The following SRGAP3 variants were observed in gnomAD, a reference collection of about 807,000 sequenced individuals.
The protein encoded by SRGAP3 is SLIT-ROBO Rho GTPase-activating protein 3.
In SRGAP3, 39 loss-of-function variants were observed where a neutral mutation model predicts 121.1. That is an observed-to-expected ratio of 0.32 (90% CI 0.25 to 0.42). SRGAP3 has a LOEUF of 0.42. Ranked by LOEUF, SRGAP3 falls within the 10% of genes least tolerant of loss-of-function variation. The pLI, the probability that SRGAP3 is intolerant of heterozygous loss-of-function variation, is 1.00. For synonymous variants in SRGAP3, 601 were observed against 570.0 expected, an observed-to-expected ratio of 1.05 and a Z score of -0.77; for missense variants, 1,213 against 1,470.6, an observed-to-expected ratio of 0.82 and a Z score of 2.86.
At chr3:9,253,612 C>T (rs775196521), upstream of SRGAP3, among the ~76,000 whole-genome samples, 2 of 152,186 alleles carry the variant, frequency 1.3e-5, no homozygotes, top group Admixed American at 1.3e-4. Flanking sequence ...ACATTCTCCA[C>T]GTTGCTACCA....
At chr3:9,131,395 A>G (rs1455021636) in intron 1 of SRGAP3, among the ~76,000 whole-genome samples, 3 of 149,384 alleles carry the variant, frequency 2.0e-5, no homozygotes, top group African/African-American at 4.9e-5. Flanking sequence ...GGTTTTATAG[A>G]CAGGGGCATG....
At chr3:9,149,826 G>A (rs1215140116) in intron 1 of SRGAP3, among the ~76,000 whole-genome samples, 2 of 152,194 alleles carry the variant, frequency 1.3e-5, no homozygotes, top group African/African-American at 2.4e-5. Flanking sequence ...TGGTTGTCAC[G>A]CACAATTCTA....
At chr3:9,303,213 C>T (rs1341330552) in intron 3 of SRGAP3, among the ~76,000 whole-genome samples, 1 of 151,974 alleles carries the variant, frequency 6.6e-6, no homozygotes, top group Non-Finnish European at 1.5e-5. Flanking sequence ...TTACTTGAGG[C>T]CAGGAGTTCA....
intron 19 of SRGAP3, chr3:8,994,081 TG>T: frequency 2.0e-6 from 1 of 502,858 alleles, no homozygotes; most frequent in Non-Finnish European, 3.6e-6. Flanking sequence ...TGGCACTCCC[TG>T]GGGGCTGTCA....
chr3:9,030,883 T>C (rs1464409362), intron 12 of SRGAP3, among the ~76,000 whole-genome samples: 1 of 152,208 alleles, frequency 6.6e-6, no homozygotes, highest in Non-Finnish European at 1.5e-5. Flanking sequence ...TGTATTCCCA[T>C]CTTTCTCTCA....
chr3:9,060,526 A>G (rs1014514373), intron 5 of SRGAP3, among the ~76,000 whole-genome samples, 167 bp from the exon 6 acceptor site: 1 of 149,986 alleles, frequency 6.7e-6, no homozygotes, highest in South Asian at 2.1e-4. Flanking sequence ...CCTGGACTCA[A>G]GCAATCCTCC....
chr3:8,985,792 G>T lies in SRGAP3; in HGVS notation c.3027C>A (p.Pro1009=). The change falls in exon 22 of 22, where the codon CCC becomes CCA. Residue 1009 remains proline, a synonymous_variant. Coordinates refer to ENST00000383836, the MANE Select transcript of SRGAP3 (RefSeq NM_014850.4). The surrounding 1 kb of genome is among the most constrained non-coding windows in gnomAD (Gnocchi z 5.1). The part of the protein sequence containing the change: ...KNPPGPVSSE[P]ASPLHTIVIR... ...TGACGATGGTGTGAAGGGGACTGGC[G>T]GGCTCCGAGCTGACGGGGCCTGGCG... is the stretch of plus-strand genomic sequence containing the variant. The T allele has an allele frequency of 1.2e-6, 2 of 1,600,398 alleles. No homozygotes were observed. Among genetic ancestry groups the T allele is most frequent in the South Asian group, 1.1e-5 (1 of 91,056 alleles).
intron 1 of SRGAP3, among the ~76,000 whole-genome samples, chr3:9,148,736 C>T (rs1312683583): frequency 6.6e-6 from 1 of 152,178 alleles, no homozygotes; most frequent in Non-Finnish European, 1.5e-5. Context: ...ATCCTTTCTC[C>T]ACTACCCCAT....
At chr3:9,238,022 T>C (rs1404791637) in intron 1 of SRGAP3, among the ~76,000 whole-genome samples, 1 of 152,184 alleles carries the variant, frequency 6.6e-6, no homozygotes, top group Non-Finnish European at 1.5e-5. Flanking sequence ...TTGTCACAAC[T>C]GGGAGCAGGG....
chr3:9,272,146 G>A (rs993548649), intron 3 of SRGAP3, among the ~76,000 whole-genome samples: 2 of 152,210 alleles, frequency 1.3e-5, no homozygotes, highest in African/African-American at 4.8e-5. Context: ...CAGCCCCCTG[G>A]ATTGCACCAT....
Position 9,221,871 on chromosome 3 carries a change from CATT to C in SRGAP3, c.67+27011_67+27013del, listed in dbSNP as rs369251865. Among the ~76,000 whole-genome samples, 33 of 152,330 alleles carry C rather than the reference CATT, an allele frequency of 2.2e-4. No individual in the cohort carries two copies. In the East Asian group the frequency reaches 4.6e-3, roughly 21 times the overall value. ...AACAACTTAGCACATGTGACATTGT[CATT>C]ACTACTATGTATTGGTTTTATTTCC... On this transcript the variant is annotated intron_variant, in intron 1 of 21. Transcript: ENST00000383836.
chr3:9,322,563 G>A (rs935462908), intron 3 of SRGAP3, among the ~76,000 whole-genome samples: 12 of 151,798 alleles, frequency 7.9e-5, no homozygotes, highest in South Asian at 4.1e-4. Context: ...TTGCATCGGC[G>A]TGGCATTAGA....
intron 1 of SRGAP3, among the ~76,000 whole-genome samples, chr3:9,145,130 C>T (rs796929904): frequency 3.9e-5 from 6 of 152,180 alleles, no homozygotes; most frequent in African/African-American, 1.4e-4. Context: ...AGGTCTCACT[C>T]CGTCATCCAG....
chr3:9,290,323 C>T (rs180875434), intron 3 of SRGAP3, among the ~76,000 whole-genome samples: 7 of 152,288 alleles, frequency 4.6e-5, no homozygotes, highest in African/African-American at 1.7e-4. Flanking sequence ...TTCTGCCATA[C>T]TGCAAGAAAT....
intron 3 of SRGAP3, among the ~76,000 whole-genome samples, chr3:9,294,241 A>T (rs1954914401): frequency 6.6e-6 from 1 of 152,220 alleles, no homozygotes; most frequent in Non-Finnish European, 1.5e-5. Flanking sequence ...ATGGAGCTGG[A>T]GGCCATTATC....
At chr3:9,336,241 G>C (rs192451905) in intron 1 of SRGAP3, among the ~76,000 whole-genome samples, 1 of 139,298 alleles carries the variant, frequency 7.2e-6, no homozygotes, top group African/African-American at 2.7e-5. Context: ...TCTCCCTCTC[G>C]AGTCTCATTC....
chr3:9,086,707 CAT>C (rs1217759936), intron 3 of SRGAP3, among the ~76,000 whole-genome samples: 2 of 66,992 alleles, frequency 3.0e-5, no homozygotes, highest in African/African-American at 5.3e-5. Context: ...TATACACACA[CAT>C]CTACACATAT....
intron 11 of SRGAP3, 116 bp downstream of exon 11, chr3:9,037,947 G>C (rs1408462945): frequency 7.2e-7 from 1 of 1,387,780 alleles, no homozygotes; most frequent in Non-Finnish European, 1.0e-6. Context: ...CGGCCCTTGG[G>C]GACATTGGTG....
intron 1 of SRGAP3, among the ~76,000 whole-genome samples, chr3:9,352,028 C>T (rs995934947): frequency 6.6e-6 from 1 of 152,170 alleles, no homozygotes; most frequent in Non-Finnish European, 1.5e-5. Flanking sequence ...AACAGACAAC[C>T]TGGAACCAGC....
Sources: gnomAD v4.1 joint callset for allele counts (sites outside exome capture counted in the v4.1 genomes callset) on GRCh38, gnomAD v4.1.1 for gene constraint, Gnocchi (gnomAD v3.1) non-coding constraint, MANE v1.5 for transcripts, NCBI Gene and HGNC (gene_info 2026-07-23, HGNC 2026-07-21) for gene names.